The following DOCK7 variants were observed in gnomAD, a reference collection of about 807,000 sequenced individuals.
DOCK7 encodes dedicator of cytokinesis 7, also known as dedicator of cytokinesis protein 7.
Under a neutral mutation model 271.0 loss-of-function variants are expected in DOCK7, and 138 were observed. The ratio of observed to expected loss-of-function variants is 0.51; its 90% confidence interval spans 0.44 to 0.59. DOCK7 has a LOEUF of 0.59. Among genes scored for constraint, DOCK7 ranks in the 20% least tolerant of loss-of-function variants. The pLI is 0.00. For synonymous variants in DOCK7, 823 were observed against 876.1 expected, an observed-to-expected ratio of 0.94 and a Z score of 1.07; for missense variants, 2,066 against 2,592.4, an observed-to-expected ratio of 0.80 and a Z score of 4.41.
intron 27 of DOCK7, among the ~76,000 whole-genome samples, chr1:62,538,373 C>G (rs1455229856): frequency 6.6e-6 from 1 of 152,200 alleles, no homozygotes; most frequent in Non-Finnish European, 1.5e-5. Flanking sequence ...CTTATTACTT[C>G]CTTCTTAAAA....
chr1:62,658,341 C>T (rs888078401), intron 2 of DOCK7, among the ~76,000 whole-genome samples: 1 of 151,824 alleles, frequency 6.6e-6, no homozygotes, highest in Admixed American at 6.6e-5. Context: ...ATAATCCCAG[C>T]TACTCGGGAG....
intron 48 of DOCK7, among the ~76,000 whole-genome samples, chr1:62,460,604 A>AACAC (rs57641890): frequency 1.2e-3 from 181 of 149,012 alleles, no homozygotes; most frequent in African/African-American, 4.4e-3. Context: ...CAATGTATTG[A>AACAC]ACACACACAC....
At chr1:62,521,331 A>C (rs1644844438) in intron 31 of DOCK7, among the ~76,000 whole-genome samples, 1 of 152,226 alleles carries the variant, frequency 6.6e-6, no homozygotes, top group Non-Finnish European at 1.5e-5. Flanking sequence ...CTGAAAATAC[A>C]TATCAAAAAA....
Position 62,665,660 on chromosome 1 carries a change from A to C in DOCK7, c.39-2530T>G, listed in dbSNP as rs1053809685. Among the ~76,000 whole-genome samples the C allele has an allele frequency of 2.1e-5, 3 of 139,590 alleles. No homozygotes were observed. In the South Asian group the frequency reaches 6.9e-4, roughly 32 times the overall value. The allele number at this position is 139,590 out of a possible 152,430, so 91.6% of individuals were successfully genotyped here. A position where few individuals can be genotyped will look rare whatever the true frequency, so the allele number is the denominator to read the frequency against. ...GGTTGCGGTGAGCCGAGATCACGTC[A>C]AGCCGAGATTGCGCCACTGCACTCC... On this transcript the variant is annotated intron_variant, in intron 1 of 49. Transcript: ENST00000635253.
intron 12 of DOCK7, among the ~76,000 whole-genome samples, chr1:62,622,234 T>C (rs951217894): frequency 9.2e-5 from 14 of 152,210 alleles, no homozygotes; most frequent in Non-Finnish European, 1.6e-4. Flanking sequence ...TATTAGCTGA[T>C]CTCAGCCAAC....
chr1:62,480,056 G>T (rs1646075307), intron 43 of DOCK7, among the ~76,000 whole-genome samples: 2 of 152,150 alleles, frequency 1.3e-5, no homozygotes, highest in South Asian at 4.1e-4. Context: ...CAATATTGTG[G>T]CCCTTTAAAT....
intron 14 of DOCK7, among the ~76,000 whole-genome samples, chr1:62,611,262 T>C (rs1333430064): frequency 3.3e-5 from 5 of 152,216 alleles, no homozygotes; most frequent in Non-Finnish European, 7.3e-5. Context: ...TGTTATTCTA[T>C]ATATTTTATT....
intron 31 of DOCK7, among the ~76,000 whole-genome samples, chr1:62,514,521 A>G (rs1644600828): frequency 6.6e-6 from 1 of 152,146 alleles, no homozygotes; most frequent in Non-Finnish European, 1.5e-5. Flanking sequence ...AGTACCACTT[A>G]TTGGACATAC....
chr1:62,611,602 A>G lies in DOCK7; in HGVS notation c.1682+7104T>C, dbSNP rs536311508. ...TGGTACACAAAAAAATTAGCAGCCC[A>G]TGTTCAAAGGACCTACTGTCATGTA... On this transcript the variant is annotated intron_variant, in intron 14 of 49. Transcript: ENST00000635253. Among the ~76,000 whole-genome samples, 4 of 152,346 alleles carry G rather than the reference A, an allele frequency of 2.6e-5. No homozygotes were observed. The East Asian group carries it at 5.8e-4, about 22-fold the overall frequency.
At chr1:62,466,370 T>C (rs1645677450) in intron 48 of DOCK7, among the ~76,000 whole-genome samples, 1 of 152,328 alleles carries the variant, frequency 6.6e-6, no homozygotes, top group South Asian at 2.1e-4. Flanking sequence ...GTCAGGTTTA[T>C]AATCAAGACT....
chr1:62,495,376 G>C (rs1337707394), intron 39 of DOCK7: 2 of 304,400 alleles, frequency 6.6e-6, no homozygotes, highest in Non-Finnish European at 1.2e-5. Flanking sequence ...CAGATCTCTT[G>C]AGCCCAGGAG....
chr1:62,457,542 G>T lies in DOCK7; in HGVS notation c.6376C>A (p.His2126Asn). The change falls in exon 49 of 50, where the codon CAC becomes AAC. Residue 2126 changes from histidine to asparagine, a missense_variant. Physicochemically the swap from His to Asn is moderately conservative, Grantham distance 68 (BLOSUM62 1). Around this residue, in one of 2 missense-constraint regions of DOCK7, gnomAD observed 652 missense variants for 922.1 expected, o/e 0.71. Coordinates refer to ENST00000635253, the MANE Select transcript of DOCK7 (RefSeq NM_001367561.1). The stretch of plus-strand genomic sequence containing the variant: ...ACCACTTAAAAATAAGCATACCTGT[G>T]GCAGGTGACAGGCAATACTGCCTTG... ...LYKAVLPVTC[H>N]RDSFSRMSLR... 1.2e-6 allele frequency: 2 copies of T among 1,612,920 alleles called. No individual in the cohort carries two copies. Among genetic ancestry groups the T allele is most frequent in the Non-Finnish European group, 1.7e-6 (2 of 1,179,630 alleles).
intron 31 of DOCK7, among the ~76,000 whole-genome samples, chr1:62,525,878 T>C (rs570992760): frequency 2.0e-5 from 3 of 152,346 alleles, no homozygotes; most frequent in Non-Finnish European, 2.9e-5. Context: ...GTAAATCAGA[T>C]AGCTGATTAT....
rs1462369757 is a variant in DOCK7 at position 62,487,638 on chromosome 1, A to C, written c.5494-226T>G. 21 of 432,998 alleles carry C rather than the reference A, an allele frequency of 4.8e-5. No homozygotes were observed. The East Asian group carries it at 7.0e-4, about 15-fold the overall frequency. 26.8% of individuals were successfully genotyped at this position (432,998 alleles called of 1,614,324 possible). ...TTTAAAAACTTTAAGTGAAAGTACA[A>C]ATTTTAGGGAAAGAGAGCCAGCAGC... On this transcript the variant is annotated intron_variant, in intron 42 of 49. Transcript: ENST00000635253.
intron 29 of DOCK7, among the ~76,000 whole-genome samples, chr1:62,531,419 C>T (rs1474197098): frequency 6.6e-6 from 1 of 152,212 alleles, no homozygotes; most frequent in African/African-American, 2.4e-5. Context: ...TTTTAAGTGG[C>T]TCACTTTAGC....
chr1:62,598,058 T>A, intron 14 of DOCK7: 1 of 1,580,526 alleles, frequency 6.3e-7, no homozygotes, highest in Non-Finnish European at 8.6e-7. Flanking sequence ...TAACTTCACT[T>A]AAAGTAAGTA....
chr1:62,604,085 T>C (rs1397777979), intron 14 of DOCK7: 2 of 1,613,388 alleles, frequency 1.2e-6, no homozygotes, highest in South Asian at 1.1e-5. Flanking sequence ...ATATTCTTTT[T>C]ACTTGGGAAA....
rs1165284939 is a variant in DOCK7 at position 62,539,745 on chromosome 1, T to C, written c.3186+7A>G. On this transcript the variant is annotated splice_region_variant and intron_variant, in intron 26 of 49. Coordinates refer to ENST00000635253, the MANE Select transcript of DOCK7 (RefSeq NM_001367561.1). ...AGAGAGATAAGTGGGGAAAAAGTTA[T>C]CATTACCTTCTGAAATCGTGAAACT... is the stretch of plus-strand genomic sequence containing the variant. 6.2e-7 allele frequency: 1 copy of C among 1,612,516 alleles called. No homozygotes were observed. Among genetic ancestry groups the C allele is most frequent in the South Asian group, 1.1e-5 (1 of 90,508 alleles).
At chr1:62,624,707 T>A (rs932573638) in intron 12 of DOCK7, among the ~76,000 whole-genome samples, 1 of 152,126 alleles carries the variant, frequency 6.6e-6, no homozygotes, top group Non-Finnish European at 1.5e-5. Flanking sequence ...AGGCTGGACA[T>A]GGTGGCTCAC....
Sources: gnomAD v4.1 joint callset for allele counts (sites outside exome capture counted in the v4.1 genomes callset) on GRCh38, gnomAD v4.1.1 for gene constraint, gnomAD v4.1.1 regional missense constraint, MANE v1.5 for transcripts, NCBI Gene and HGNC (gene_info 2026-07-23, HGNC 2026-07-21) for gene names.